The following PAG1 variants were observed in gnomAD, a reference collection of about 807,000 sequenced individuals.
PAG1 encodes phosphoprotein membrane anchor with glycosphingolipid microdomains 1.
A neutral mutation model predicts 31.7 loss-of-function variants in PAG1; 23 were observed. That is an observed-to-expected ratio of 0.73 (90% confidence interval 0.52 to 1.03). The LOEUF is 1.03. PAG1 is among the 50% of genes least tolerant of loss of function. The pLI, the probability that PAG1 is intolerant of heterozygous loss-of-function variation, is 0.00. For synonymous variants in PAG1, 214 were observed against 210.3 expected (o/e 1.02, Z -0.15); for missense variants, 473 against 540.7 (o/e 0.87, Z 1.24).
intron 5 of PAG1, among the ~76,000 whole-genome samples, 158 bp downstream of exon 5, chr8:80,991,321 G>C (rs1460817910): frequency 6.6e-6 from 1 of 152,178 alleles, no homozygotes; most frequent in Non-Finnish European, 1.5e-5. Flanking sequence ...TCCGGCAGCA[G>C]CACTACTGCA....
At position 80,968,293 on chromosome 8, in the gene PAG1, GGTTA is replaced by G. The variant is rs1463654203; in HGVS notation, c.*8247_*8250del. The G allele has an allele frequency of 3.3e-5, 5 of 152,206 alleles. No individual in the cohort carries two copies. The highest frequency in any genetic ancestry group is 1.2e-4 in the African/African-American group (5 of 41,458). The allele number at this position is 152,206 out of a possible 1,614,324, so 9.4% of individuals were successfully genotyped here. A position where few individuals can be genotyped will look rare whatever the true frequency, so the allele number is the denominator to read the frequency against. ...ATAACATCTCTATGAGGTAGGCAAT[GGTTA>G]GTATCATTATCCCCATTTTGTATAT... On this transcript the variant is annotated 3_prime_UTR_variant, in exon 9 of 9. Transcript: ENST00000220597.
intron 1 of PAG1, among the ~76,000 whole-genome samples, chr8:81,073,236 A>G (rs1288308278): frequency 6.6e-6 from 1 of 152,224 alleles, no homozygotes; most frequent in Non-Finnish European, 1.5e-5. Context: ...TTTAGCCTGC[A>G]GATTTGTAAA....
chr8:81,057,102 A>G (rs1808836664), intron 2 of PAG1, among the ~76,000 whole-genome samples: 1 of 152,208 alleles, frequency 6.6e-6, no homozygotes, highest in African/African-American at 2.4e-5. Context: ...AGAAATAGGA[A>G]CACTTTTACA....
chr8:81,045,391 C>T (rs1808624805), intron 2 of PAG1, among the ~76,000 whole-genome samples: 1 of 152,180 alleles, frequency 6.6e-6, no homozygotes, highest in East Asian at 1.9e-4. Context: ...ACAGCTCCAA[C>T]CATTAAATAG....
At chr8:81,055,538 T>A (rs537669704) in intron 2 of PAG1, among the ~76,000 whole-genome samples, 3 of 152,212 alleles carry the variant, frequency 2.0e-5, no homozygotes, top group Admixed American at 2.0e-4. Context: ...ATCTATAAGT[T>A]ACCTTGGGCA....
chr8:81,009,979 TG>T (rs1334066140), intron 3 of PAG1, among the ~76,000 whole-genome samples: 2 of 152,218 alleles, frequency 1.3e-5, no homozygotes, highest in Non-Finnish European at 1.5e-5. Context: ...AGATCAGGAA[TG>T]GGGCCTTGAC....
intron 3 of PAG1, among the ~76,000 whole-genome samples, chr8:81,005,700 C>T (rs1429515507): frequency 6.6e-6 from 1 of 152,182 alleles, no homozygotes; most frequent in Non-Finnish European, 1.5e-5. Context: ...GAATACCCAG[C>T]CTCCATCTGT....
chr8:81,097,707 CT>C (rs1280931233), intron 1 of PAG1, among the ~76,000 whole-genome samples: 5 of 104,638 alleles, frequency 4.8e-5, no homozygotes, highest in South Asian at 3.9e-4. Context: ...CAATTAAGAA[CT>C]TTAAAAAAAA....
intron 2 of PAG1, among the ~76,000 whole-genome samples, chr8:81,048,999 C>A (rs1019007774): frequency 6.6e-6 from 1 of 152,178 alleles, no homozygotes; most frequent in Non-Finnish European, 1.5e-5. Flanking sequence ...ACGATTATGA[C>A]TTTATTAATG....
At chr8:81,038,402 T>C (rs964598998) in intron 2 of PAG1, among the ~76,000 whole-genome samples, 5 of 152,164 alleles carry the variant, frequency 3.3e-5, no homozygotes, top group African/African-American at 1.2e-4. Context: ...CTGGGCTGTT[T>C]GTGTTGACCT....
intron 3 of PAG1, among the ~76,000 whole-genome samples, chr8:81,029,101 G>A (rs1199064322): frequency 2.0e-5 from 3 of 152,158 alleles, no homozygotes; most frequent in African/African-American, 7.2e-5. Context: ...AAGGAAGGAG[G>A]TGTTTCATCA....
intron 1 of PAG1, among the ~76,000 whole-genome samples, chr8:81,104,621 C>T (rs1809662907): frequency 6.6e-6 from 1 of 152,152 alleles, no homozygotes; most frequent in Admixed American, 6.5e-5. Context: ...GCTCCATCCT[C>T]TGTATTCATT....
intron 3 of PAG1, among the ~76,000 whole-genome samples, chr8:80,997,739 G>C (rs1389120843): frequency 6.6e-6 from 1 of 151,504 alleles, no homozygotes; most frequent in Non-Finnish European, 1.5e-5. Flanking sequence ...TGTGATCACA[G>C]ATTTAGATTA....
chr8:81,111,259 T>C (rs1053065685), intron 1 of PAG1, among the ~76,000 whole-genome samples: 1 of 151,932 alleles, frequency 6.6e-6, no homozygotes. Flanking sequence ...AGGATGGAGG[T>C]GACAAGACCC....
intron 1 of PAG1, among the ~76,000 whole-genome samples, chr8:81,082,672 C>T (rs1809288698): frequency 6.6e-6 from 1 of 152,144 alleles, no homozygotes; most frequent in African/African-American, 2.4e-5. Context: ...CTGTCCCCTG[C>T]ATTCTGTTGT....
intron 2 of PAG1, among the ~76,000 whole-genome samples, chr8:81,037,578 C>T (rs994520350): frequency 6.6e-6 from 1 of 152,196 alleles, no homozygotes; most frequent in African/African-American, 2.4e-5. Flanking sequence ...CTATAGCATG[C>T]TTCTCAGGCA....
intron 3 of PAG1, among the ~76,000 whole-genome samples, chr8:81,011,705 T>C (rs1807987757): frequency 6.6e-6 from 1 of 152,242 alleles, no homozygotes; most frequent in Non-Finnish European, 1.5e-5. Flanking sequence ...ATAATGAATG[T>C]GTACAGTTGC....
At chr8:81,046,659 C>T (rs1483078406) in intron 2 of PAG1, among the ~76,000 whole-genome samples, 4 of 152,026 alleles carry the variant, frequency 2.6e-5, no homozygotes, top group Admixed American at 6.6e-5. Context: ...TTGGAAGCCC[C>T]GTTTCTAAGG....
At chr8:80,989,307 G>C (rs1183701259) in intron 5 of PAG1, among the ~76,000 whole-genome samples, 1 of 152,200 alleles carries the variant, frequency 6.6e-6, no homozygotes, top group Non-Finnish European at 1.5e-5. Context: ...GCAGGCATGG[G>C]TGTGGGGAAG....
Sources: allele counts gnomAD v4.1 joint callset (sites outside exome capture counted in the v4.1 genomes callset), GRCh38; gene constraint gnomAD v4.1.1; transcripts MANE v1.5; gene names NCBI Gene and HGNC (gene_info 2026-07-23, HGNC 2026-07-21).